The following CFAP47 variants were observed in gnomAD, a reference collection of about 807,000 sequenced individuals.
The protein encoded by CFAP47 is cilia- and flagella-associated protein 47.
In CFAP47, 29 loss-of-function variants were observed where a neutral mutation model predicts 148.1. That is an observed-to-expected ratio of 0.20 (90% CI 0.15 to 0.27). The LOEUF (loss-of-function observed/expected upper bound fraction) is 0.27. CFAP47 is among the 10% of genes least tolerant of loss of function. The probability of loss-of-function intolerance (pLI) is 1.00; values close to 1 mark genes in which losing one functional copy is unlikely to be tolerated. For missense variants in CFAP47, 1,872 were observed against 1,697.5 expected (o/e 1.10, Z -1.81); for synonymous variants, 664 against 577.3 (o/e 1.15, Z -2.15).
At chrX:36,050,230 A>G (rs1937513414) in intron 26 of CFAP47, among the ~76,000 whole-genome samples, 1 of 111,762 alleles carries the variant, frequency 8.9e-6, no homozygotes, top group South Asian at 3.8e-4. Context: ...GAACTGGGTA[A>G]CAGGCAGAGG....
intron 29 of CFAP47, among the ~76,000 whole-genome samples, chrX:36,077,683 A>G (rs931017995): frequency 9.0e-6 from 1 of 111,261 alleles, no homozygotes; most frequent in Admixed American, 9.6e-5. Flanking sequence ...CAGCAAAAAC[A>G]TTGTTAAGAG....
rs766272006 is a variant in CFAP47, at chrX:35,970,779, C to T, written c.1826C>T (p.Thr609Ile). 2 of 1,165,874 alleles carry T rather than the reference C, an allele frequency of 1.7e-6. No homozygotes were observed. Among genetic ancestry groups the T allele is most frequent in the Non-Finnish European group, 2.3e-6 (2 of 875,068 alleles). Residue 609 changes from threonine (T) to isoleucine (I), a missense_variant, in exon 11 of 64, where the codon ACA becomes ATA. By Grantham distance (89) the Thr-to-Ile change is moderately conservative. Coordinates refer to ENST00000378653, the MANE Select transcript of CFAP47 (RefSeq NM_001304548.2). ...DHHKHFRPIF[T>I]KVPRFNYVNH... Reference sequence around the variant, plus strand: ...TGCTTATATTGCAGGCCAATTTTCACAAAAGTTCCAAGATTTAACTATGTG... The same window carrying T: ...TGCTTATATTGCAGGCCAATTTTCATAAAAGTTCCAAGATTTAACTATGTG...
intron 21 of CFAP47, among the ~76,000 whole-genome samples, chrX:36,007,295 G>T (rs1035458909): frequency 3.6e-5 from 4 of 112,132 alleles, no homozygotes; most frequent in African/African-American, 1.3e-4. Flanking sequence ...GGGAAGCTAA[G>T]AATAATTCCT....
chrX:36,246,915 C>A (rs782210186), intron 48 of CFAP47, among the ~76,000 whole-genome samples: 3 of 111,071 alleles, frequency 2.7e-5, no homozygotes, highest in African/African-American at 9.8e-5. Flanking sequence ...CCAGCAATTT[C>A]ATTATTAGGT....
intron 28 of CFAP47, among the ~76,000 whole-genome samples, chrX:36,072,736 A>G (rs969687087): frequency 2.7e-5 from 3 of 111,744 alleles, no homozygotes; most frequent in Non-Finnish European, 5.6e-5. Flanking sequence ...ATAGAAAGTC[A>G]TTTGGGATCT....
chrX:36,375,076 G>C (rs782435167), intron 62 of CFAP47: 6 of 408,319 alleles, frequency 1.5e-5, no homozygotes, highest in Non-Finnish European at 2.7e-5. Context: ...ACACTGAGAA[G>C]CTGGATGATG....
intron 57 of CFAP47, among the ~76,000 whole-genome samples, chrX:36,332,274 A>T (rs1941571038): frequency 1.0e-5 from 1 of 96,419 alleles, no homozygotes; most frequent in African/African-American, 4.1e-5. Flanking sequence ...TATGTCAAAA[A>T]TTTAATTACA....
At chrX:36,144,451 C>A (rs1939196314) in intron 35 of CFAP47, 2 of 797,670 alleles carry the variant, frequency 2.5e-6, no homozygotes, top group African/African-American at 2.2e-5. Context: ...ATTTACTATG[C>A]TTTTCCTCTT....
chrX:36,228,891 G>A, intron 46 of CFAP47, 67 bp downstream of exon 46: 1 of 470,567 alleles, frequency 2.1e-6, no homozygotes. Context: ...AAGTCCTCCA[G>A]ACCTCTCATC....
chrX:35,966,490 G>T (rs1172693725), intron 8 of CFAP47, 75 bp from the exon 9 acceptor site: 15 of 614,274 alleles, frequency 2.4e-5, no homozygotes, highest in Admixed American at 1.8e-4. Flanking sequence ...TTATTAACTG[G>T]TTTTTTTTTT....
chrX:36,152,284 A>G (rs1474351532), intron 37 of CFAP47, among the ~76,000 whole-genome samples: 2 of 111,825 alleles, frequency 1.8e-5, no homozygotes, highest in East Asian at 5.6e-4. Flanking sequence ...TCTTATGAGA[A>G]TACTTAAAAT....
In CFAP47 at chrX:36,350,072, A is replaced by G. The variant is rs1941730607; in HGVS notation, c.8638A>G (p.Ile2880Val). Residue 2880 changes from isoleucine (I) to valine (V), a missense_variant, in exon 59 of 64, where the codon ATA becomes GTA. Physicochemically the swap from Ile to Val is conservative, Grantham distance 29. Coordinates refer to ENST00000378653, the MANE Select transcript of CFAP47 (RefSeq NM_001304548.2). ...AATCGACAGCGAAGAAATCCAAGCAATACACTGGATATACCCTATTGTTGG... is the reference window on the plus strand; with the variant it reads ...AATCGACAGCGAAGAAATCCAAGCAGTACACTGGATATACCCTATTGTTGG... ...VGIDSEEIQA[I>V]HWIYPIVGLP... is the part of the protein sequence containing the mutation. 2 of 1,161,066 alleles carry G rather than the reference A, an allele frequency of 1.7e-6. No homozygotes were observed. The highest frequency in any genetic ancestry group is 2.3e-6 in the Non-Finnish European group (2 of 867,824).
chrX:36,255,367 AACTGAGCTTTGGCGAAGGCCC>A (rs1335875774), intron 49 of CFAP47, among the ~76,000 whole-genome samples: 6 of 112,431 alleles, frequency 5.3e-5, no homozygotes, highest in African/African-American at 1.9e-4. Context: ...CAGAGGTAGA[AACTGAGCTTTGGCGAAGGCCC>A]ACTGAAGGCT....
chrX:36,383,672 G>A (rs1280865287), intron 63 of CFAP47, among the ~76,000 whole-genome samples: 1 of 111,080 alleles, frequency 9.0e-6, no homozygotes, highest in African/African-American at 3.3e-5. Context: ...TTAGGATGAG[G>A]CTATTAAGAA....
intron 58 of CFAP47, 73 bp from the exon 59 acceptor site, chrX:36,349,965 A>C: frequency 1.6e-6 from 1 of 613,119 alleles, no homozygotes; most frequent in South Asian, 3.7e-5. Flanking sequence ...CCATAAAGTT[A>C]ATAAATAATA....
intron 51 of CFAP47, among the ~76,000 whole-genome samples, chrX:36,288,999 CTTT>C (rs34230885): frequency 1.5e-5 from 1 of 66,437 alleles, no homozygotes; most frequent in Non-Finnish European, 2.8e-5. Flanking sequence ...TTCTTTCATC[CTTT>C]TTTTTTTTTT....
chrX:36,130,075 A>G (rs968439736), intron 33 of CFAP47, among the ~76,000 whole-genome samples: 1 of 111,249 alleles, frequency 9.0e-6, no homozygotes, highest in African/African-American at 3.2e-5. Flanking sequence ...AAATTTTTAA[A>G]AAGTCAAATG....
intron 39 of CFAP47, among the ~76,000 whole-genome samples, chrX:36,178,144 A>G (rs751635693): frequency 2.7e-5 from 3 of 111,402 alleles, no homozygotes; most frequent in South Asian, 3.8e-4. Context: ...GTACACATGG[A>G]CATAAAGATG....
chrX:36,382,675 A>T (rs914646349), intron 63 of CFAP47, among the ~76,000 whole-genome samples: 1 of 111,641 alleles, frequency 9.0e-6, no homozygotes, highest in Admixed American at 9.6e-5. Flanking sequence ...TATTCAGTCC[A>T]TGAGATCACG....
Sources: allele counts gnomAD v4.1 joint callset (sites outside exome capture counted in the v4.1 genomes callset), GRCh38; gene constraint gnomAD v4.1.1; transcripts MANE v1.5; gene names NCBI Gene and HGNC (gene_info 2026-07-23, HGNC 2026-07-21).